The following AEN variants were observed in gnomAD, a reference collection of about 807,000 sequenced individuals.
AEN encodes apoptosis-enhancing nuclease.
In AEN, 21 loss-of-function variants were observed where a neutral mutation model predicts 17.7. The observed-to-expected ratio is 1.19, with a 90% confidence interval of 0.84 to 1.71. AEN has a LOEUF of 1.71. Ranked by LOEUF, AEN falls within the 40% of genes most tolerant of loss-of-function variation. The pLI is 0.00. For synonymous variants in AEN, 190 were observed against 173.0 expected, an observed-to-expected ratio of 1.10 and a Z score of -0.77; for missense variants, 462 against 435.9, an observed-to-expected ratio of 1.06 and a Z score of -0.53.
chr15:88,609,509 C>T, the AEN span, among the ~76,000 whole-genome samples: 1 of 152,072 alleles, frequency 6.6e-6, no homozygotes, highest in Non-Finnish European at 1.5e-5. Context: ...TCATCCATTA[C>T]TGTCATGAGG....
At position 88,630,326 on chromosome 15, in the gene AEN, G is replaced by A. The variant is rs1159649907; in HGVS notation, c.*32G>A. Reference sequence around the variant, plus strand: ...GGCGGGGCTCCCTGGCTGGGCTTCCGGTGTGGCCGGTAGGAAGTGGGGGCC... The same window carrying A: ...GGCGGGGCTCCCTGGCTGGGCTTCCAGTGTGGCCGGTAGGAAGTGGGGGCC... On this transcript the variant is annotated 3_prime_UTR_variant, in exon 4 of 4. Coordinates refer to ENST00000332810, the MANE Select transcript of AEN (RefSeq NM_022767.4). This position sits in a 1 kb window ranked among gnomAD's most constrained non-coding sequence, Gnocchi z 5.1. 5.8e-6 allele frequency: 9 copies of A among 1,546,558 alleles called. No individual in the cohort carries two copies. The highest frequency in any genetic ancestry group is 7.0e-6 in the Non-Finnish European group (8 of 1,142,556).
chr15:88,622,249 C>T (rs976118456), intron 1 of AEN, among the ~76,000 whole-genome samples: 3 of 152,178 alleles, frequency 2.0e-5, no homozygotes, highest in Non-Finnish European at 2.9e-5. Flanking sequence ...GCGCTGGGTC[C>T]AGGCTAGAGA....
the AEN span, among the ~76,000 whole-genome samples, chr15:88,610,801 T>C: frequency 6.6e-6 from 1 of 152,134 alleles, no homozygotes; most frequent in Admixed American, 6.5e-5. Flanking sequence ...GCTGCAGAAA[T>C]ACAATTAGGG....
At chr15:88,610,950 A>G in the AEN span, among the ~76,000 whole-genome samples, 1 of 152,278 alleles carries the variant, frequency 6.6e-6, no homozygotes, top group South Asian at 2.1e-4. Flanking sequence ...AAGGGAAATT[A>G]ACCAGGGAGC....
chr15:88,604,880 A>C, the AEN span: 1 of 152,116 alleles, frequency 6.6e-6, no homozygotes, highest in East Asian at 1.9e-4. The surrounding 1 kb of genome is among the most constrained non-coding windows in gnomAD (Gnocchi z 8.1). Flanking sequence ...CTGGGTGGTG[A>C]GGGGCTTTCT....
chr15:88,612,620 T>TTTA, the AEN span, among the ~76,000 whole-genome samples: 1 of 149,374 alleles, frequency 6.7e-6, no homozygotes, highest in Non-Finnish European at 1.5e-5. Flanking sequence ...TATTTATTTT[T>TTTA]GAGACAGAGT....
At chr15:88,609,909 C>T in the AEN span, among the ~76,000 whole-genome samples, 4 of 152,292 alleles carry the variant, frequency 2.6e-5, no homozygotes, top group African/African-American at 7.2e-5. Flanking sequence ...CCAGGCTGTG[C>T]GCGAGGCACT....
At chr15:88,612,866 G>A in the AEN span, among the ~76,000 whole-genome samples, 1 of 152,144 alleles carries the variant, frequency 6.6e-6, no homozygotes, top group African/African-American at 2.4e-5. Flanking sequence ...CTCCCAAAGT[G>A]CTGGGAGTAT....
rs2057931580 is a variant in AEN at position 88,631,778 on chromosome 15, TC to T, written c.*1486del. The T allele has an allele frequency of 6.6e-6, 1 of 152,414 alleles. No individual in the cohort carries two copies. The highest frequency in any genetic ancestry group is 1.5e-5 in the Non-Finnish European group (1 of 68,200). The allele number at this position is 152,414 out of a possible 1,614,324, so 9.4% of individuals were successfully genotyped here. A position where few individuals can be genotyped will look rare whatever the true frequency, so the allele number is the denominator to read the frequency against. The stretch of plus-strand genomic sequence containing the variant: ...GACAGAACTGCTCCGGCTTGGCTGT[TC>T]CAGCAGGTGGGGCGCTGGCCTCGGT... On this transcript the variant is annotated 3_prime_UTR_variant, in exon 4 of 4. Coordinates refer to ENST00000332810, the MANE Select transcript of AEN (RefSeq NM_022767.4).
At chr15:88,616,724 T>G (rs1020382696), upstream of AEN, among the ~76,000 whole-genome samples, 7 of 152,236 alleles carry the variant, frequency 4.6e-5, no homozygotes, top group African/African-American at 1.4e-4. Context: ...GCAATACACA[T>G]TTAGTAGAAA....
chr15:88,610,513 C>A, the AEN span, among the ~76,000 whole-genome samples: 42,421 of 151,790 alleles, frequency 0.28, 6,305 homozygotes, highest in Non-Finnish European at 0.34. Context: ...AAAAGAACTT[C>A]TTGGTTTTTC....
chr15:88,610,115 A>C, the AEN span, among the ~76,000 whole-genome samples: 1 of 152,080 alleles, frequency 6.6e-6, no homozygotes, highest in Non-Finnish European at 1.5e-5. Flanking sequence ...TACTTCTCAA[A>C]GTTTATTTGC....
chr15:88,622,368 G>T (rs2057798683), intron 1 of AEN, among the ~76,000 whole-genome samples: 1 of 152,178 alleles, frequency 6.6e-6, no homozygotes, highest in Non-Finnish European at 1.5e-5. Context: ...CTTGATGACT[G>T]TTGGTTTTGA....
In AEN at chr15:88,631,085, A is replaced by G. The variant is rs1001104287; in HGVS notation, c.*791A>G. 3 of 455,974 alleles carry G rather than the reference A, an allele frequency of 6.6e-6. No individual in the cohort carries two copies. Among genetic ancestry groups the G allele is most frequent in the African/African-American group, 6.0e-5 (3 of 50,068 alleles). The allele number at this position is 455,974 out of a possible 1,614,324, so 28.2% of individuals were successfully genotyped here. On this transcript the variant is annotated 3_prime_UTR_variant, in exon 4 of 4. Transcript: ENST00000332810. ...AACTGGCATATTTATTTTGACCCAAATCAGGGATTTCCCCAGTCCACCCAG... is the reference window on the plus strand; with the variant it reads ...AACTGGCATATTTATTTTGACCCAAGTCAGGGATTTCCCCAGTCCACCCAG...
upstream of AEN, among the ~76,000 whole-genome samples, chr15:88,620,442 C>T (rs1363410125): frequency 1.3e-5 from 2 of 151,654 alleles, no homozygotes; most frequent in Admixed American, 6.6e-5. Flanking sequence ...CGGAGTTTTG[C>T]TCTTGGTGCC....
chr15:88,612,104 A>G, the AEN span, among the ~76,000 whole-genome samples: 1 of 152,190 alleles, frequency 6.6e-6, no homozygotes, highest in East Asian at 1.9e-4. Context: ...GAAGTGGGGC[A>G]GGGTCTCTGT....
chr15:88,627,088 A>T, intron 2 of AEN: 1 of 274,952 alleles, frequency 3.6e-6, no homozygotes, highest in Non-Finnish European at 7.0e-6. Context: ...CATCACGTTC[A>T]GGTATGGATG....
At position 88,629,278 on chromosome 15, in the gene AEN, A is replaced by G. The variant is rs968857753; in HGVS notation, c.593A>G (p.Asp198Gly). 2 of 1,614,058 alleles carry G rather than the reference A, an allele frequency of 1.2e-6. No homozygotes were observed. Among genetic ancestry groups the G allele is most frequent in the African/African-American group, 1.3e-5 (1 of 75,006 alleles). The change falls in exon 3 of 4, where the codon GAC becomes GGC. Residue 198 changes from aspartate (D) to glycine (G), a missense_variant. Asp to Gly is a moderately conservative substitution (Grantham distance 94). Transcript: ENST00000332810. Reference protein sequence around the residue: ...KVVVGHALHNDFQALKYVHPR... With the variant: ...KVVVGHALHNGFQALKYVHPR... ...GTGGTGGGGCACGCGCTGCACAACGACTTCCAGGCGCTCAAGTATGTCCAC... is the reference window on the plus strand; with the variant it reads ...GTGGTGGGGCACGCGCTGCACAACGGCTTCCAGGCGCTCAAGTATGTCCAC...
At chr15:88,616,927 T>C (rs2057743301), upstream of AEN, among the ~76,000 whole-genome samples, 1 of 152,224 alleles carries the variant, frequency 6.6e-6, no homozygotes, top group Non-Finnish European at 1.5e-5. Context: ...TTAGATGTAT[T>C]AAGTGCATTT....
Sources: gnomAD v4.1 joint callset for allele counts (sites outside exome capture counted in the v4.1 genomes callset) on GRCh38, gnomAD v4.1.1 for gene constraint, Gnocchi (gnomAD v3.1) non-coding constraint, MANE v1.5 for transcripts, NCBI Gene and HGNC (gene_info 2026-07-23, HGNC 2026-07-21) for gene names.